Variants in CCDC180 observed in about 807,000 individuals in gnomAD.
The protein encoded by CCDC180 is coiled-coil domain-containing protein 180.
In CCDC180, 154 loss-of-function variants were observed where a neutral mutation model predicts 209.2. That is an observed-to-expected ratio of 0.74 (90% CI 0.65 to 0.84). The LOEUF is 0.84. Ranked by LOEUF, CCDC180 falls within the 40% of genes least tolerant of loss-of-function variation. The pLI is 0.00. For missense variants in CCDC180, 1,874 were observed against 1,997.3 expected, an observed-to-expected ratio of 0.94 and a Z score of 1.18; for synonymous variants, 778 against 749.1, an observed-to-expected ratio of 1.04 and a Z score of -0.63.
intron 22 of CCDC180, among the ~76,000 whole-genome samples, chr9:97,352,966 C>T (rs967895839): frequency 2.7e-5 from 4 of 149,180 alleles, no homozygotes; most frequent in African/African-American, 1.0e-4. Context: ...TATATACACA[C>T]ACACATATAC....
At chr9:97,318,084 C>A (rs931898732) in intron 9 of CCDC180, among the ~76,000 whole-genome samples, 1 of 152,128 alleles carries the variant, frequency 6.6e-6, no homozygotes, top group African/African-American at 2.4e-5. Context: ...ATCATGAGTT[C>A]CATTTTACAG....
intron 15 of CCDC180, among the ~76,000 whole-genome samples, 184 bp downstream of exon 15, chr9:97,326,853 A>AT (rs1833550773): frequency 1.3e-5 from 2 of 152,298 alleles, no homozygotes; most frequent in African/African-American, 4.8e-5. Context: ...TCCAGGGAGA[A>AT]TTTTTTAAAG....
chr9:97,345,656 CAGG>C (rs902217453), intron 19 of CCDC180: 7 of 401,718 alleles, frequency 1.7e-5, no homozygotes, highest in Non-Finnish European at 3.4e-5. Flanking sequence ...GAGGCTGAAG[CAGG>C]AGAATCGCCT....
intron 12 of CCDC180, among the ~76,000 whole-genome samples, chr9:97,323,244 C>G (rs1468987136): frequency 1.3e-5 from 2 of 152,176 alleles, no homozygotes; most frequent in African/African-American, 4.8e-5. Flanking sequence ...AGTGTGCGCT[C>G]TCAGATCACC....
At chr9:97,343,113 T>C (rs1383713764) in intron 18 of CCDC180, among the ~76,000 whole-genome samples, 3 of 152,184 alleles carry the variant, frequency 2.0e-5, no homozygotes, top group Non-Finnish European at 4.4e-5. Context: ...AGGCTCAGAA[T>C]TGACATATTT....
intron 27 of CCDC180, 109 bp downstream of exon 27, chr9:97,362,007 C>T: frequency 2.2e-6 from 3 of 1,389,948 alleles, no homozygotes; most frequent in Non-Finnish European, 2.9e-6. Context: ...CGTGAGTCCA[C>T]CCCTGAGAGC....
intron 17 of CCDC180, 22 bp from the exon 18 acceptor site, chr9:97,330,300 C>T (rs1307470777): frequency 6.2e-7 from 1 of 1,612,470 alleles, no homozygotes; most frequent in Non-Finnish European, 8.5e-7. Flanking sequence ...TCTCCTTGTG[C>T]TTTGGTGTTT....
intron 18 of CCDC180, 124 bp downstream of exon 18, chr9:97,330,891 T>A: frequency 1.0e-6 from 1 of 955,918 alleles, no homozygotes; most frequent in Non-Finnish European, 1.6e-6. Flanking sequence ...GAAAGAGAAT[T>A]ACAAAAATAT....
intron 17 of CCDC180, 46 bp downstream of exon 17, chr9:97,330,239 T>TA (rs751935265): frequency 5.8e-5 from 93 of 1,611,584 alleles, no homozygotes; most frequent in Non-Finnish European, 7.5e-5. Flanking sequence ...ACTTCACTCT[T>TA]ACGCGTTTGT....
rs374643249 is a variant in CCDC180 at position 97,366,737 on chromosome 9, C to T, written c.4189+37C>T. ...CAGCAGGAAGGCACGGGGAACAGGG[C>T]GGGGCGCGAAGCCAGTGGTGGAGCT... On this transcript the variant is annotated intron_variant, in intron 31 of 36. Coordinates refer to ENST00000529487, the MANE Select transcript of CCDC180 (RefSeq NM_020893.6). The surrounding 1 kb of genome is among the most constrained non-coding windows in gnomAD (Gnocchi z 4.3). 3.2e-5 allele frequency: 51 copies of T among 1,605,806 alleles called. No individual in the cohort carries two copies. The highest frequency in any genetic ancestry group is 1.7e-4 in the Middle Eastern group (1 of 5,984).
intron 22 of CCDC180, 120 bp from the exon 23 acceptor site, chr9:97,354,449 C>G: frequency 1.0e-6 from 1 of 969,388 alleles, no homozygotes; most frequent in South Asian, 1.6e-5. Flanking sequence ...GTTCATTTTC[C>G]CACATCTTGA....
intron 18 of CCDC180, among the ~76,000 whole-genome samples, chr9:97,333,316 G>A (rs1365529103): frequency 6.6e-6 from 1 of 152,070 alleles, no homozygotes; most frequent in Non-Finnish European, 1.5e-5. Context: ...AAGGATATTG[G>A]CCTGAAATTT....
intron 5 of CCDC180, 113 bp downstream of exon 5, chr9:97,313,458 C>G: frequency 1.4e-6 from 1 of 692,296 alleles, no homozygotes; most frequent in Non-Finnish European, 2.5e-6. Context: ...CAGGGGCTCA[C>G]AGAGCCTTAG....
chr9:97,324,000 A>T lies in CCDC180; in HGVS notation c.1371+97A>T, dbSNP rs1833443111. On this transcript the variant is annotated intron_variant, in intron 13 of 36. Transcript: ENST00000529487. ...GGAGAGTCCAAGAACTCCAACTTGC[A>T]TGTTCCTAGTGTGTCCGCTCACCCT... 8 of 1,415,670 alleles carry T rather than the reference A, an allele frequency of 5.7e-6. No individual in the cohort carries two copies. The East Asian group carries it at 2.1e-4, about 37-fold the overall frequency. The allele number at this position is 1,415,670 out of a possible 1,614,324, so 87.7% of individuals were successfully genotyped here.
At chr9:97,355,147 CT>C (rs1826542009) in intron 24 of CCDC180, 139 bp downstream of exon 24, 6 of 617,438 alleles carry the variant, frequency 9.7e-6, no homozygotes, top group South Asian at 6.1e-5. Context: ...CAGACACAAT[CT>C]TTTTTTTCTT....
intron 26 of CCDC180, 51 bp downstream of exon 26, chr9:97,360,152 G>T (rs779689441): frequency 1.3e-6 from 2 of 1,597,912 alleles, no homozygotes; most frequent in Admixed American, 1.7e-5. Context: ...TGTTGTCTGG[G>T]CTCCCAGGAG....
chr9:97,353,460 A>G (rs1382475917), intron 22 of CCDC180, among the ~76,000 whole-genome samples: 2 of 151,912 alleles, frequency 1.3e-5, no homozygotes, highest in African/African-American at 2.4e-5. Flanking sequence ...TCTGTTCTCT[A>G]TTGTTTTACT....
chr9:97,309,333 A>T, intron 2 of CCDC180, 81 bp from the exon 3 acceptor site: 1 of 1,406,026 alleles, frequency 7.1e-7, no homozygotes, highest in Non-Finnish European at 9.7e-7. Context: ...ATGTCTTTCT[A>T]GACAGCCACC....
In CCDC180 at chr9:97,360,109, AT is replaced by A. The variant is rs770021125; in HGVS notation, c.3483+9del. 3 of 1,613,012 alleles carry A rather than the reference AT, an allele frequency of 1.9e-6. No individual in the cohort carries two copies. The highest frequency in any genetic ancestry group is 2.5e-6 in the Non-Finnish European group (3 of 1,179,310). ...ACTGAACTGGTCTTTACCGTAAGGA[AT>A]GGGATAGGGTGGCAGGAAAGGGTGG... is the stretch of plus-strand genomic sequence containing the variant. On this transcript the variant is annotated intron_variant, in intron 26 of 36. Transcript: ENST00000529487.
Sources: gnomAD v4.1 joint callset for allele counts (sites outside exome capture counted in the v4.1 genomes callset) on GRCh38, gnomAD v4.1.1 for gene constraint, Gnocchi (gnomAD v3.1) non-coding constraint, MANE v1.5 for transcripts, NCBI Gene and HGNC (gene_info 2026-07-23, HGNC 2026-07-21) for gene names.